Variants in SPTLC3 observed in about 807,000 individuals in gnomAD.
SPTLC3 encodes the protein serine palmitoyltransferase long chain base subunit 3.
Under a neutral mutation model 59.3 loss-of-function variants are expected in SPTLC3, and 36 were observed. That is an observed-to-expected ratio of 0.61 (90% confidence interval 0.47 to 0.80). SPTLC3 has a LOEUF of 0.80. Among genes scored for constraint, SPTLC3 ranks in the 30% least tolerant of loss-of-function variants. SPTLC3 has a pLI of 0.00. For synonymous variants in SPTLC3, 257 were observed against 240.8 expected (o/e 1.07, Z -0.62); for missense variants, 625 against 685.1 (o/e 0.91, Z 0.98).
At chr20:13,127,631 G>T (rs1053056548) in intron 9 of SPTLC3, among the ~76,000 whole-genome samples, 2 of 152,138 alleles carry the variant, frequency 1.3e-5, no homozygotes, top group Admixed American at 1.3e-4. Context: ...TAAGAACAAG[G>T]CTGATCTAGT....
chr20:13,103,818 T>C (rs1224528481), intron 6 of SPTLC3, among the ~76,000 whole-genome samples: 1 of 152,214 alleles, frequency 6.6e-6, no homozygotes, highest in Non-Finnish European at 1.5e-5. Flanking sequence ...CCCTGATGTA[T>C]GCAACAGTGT....
At position 13,022,781 on chromosome 20, in the gene SPTLC3, A is replaced by G. The variant is rs573223201; in HGVS notation, c.117+13397A>G. Among the ~76,000 whole-genome samples the G allele has an allele frequency of 2.0e-4, 31 of 152,266 alleles. 1 individual carries two copies. In the South Asian group the frequency reaches 3.1e-3, roughly 15 times the overall value. On this transcript the variant is annotated intron_variant, in intron 1 of 11. Coordinates refer to ENST00000399002, the MANE Select transcript of SPTLC3 (RefSeq NM_018327.4). The stretch of plus-strand genomic sequence containing the variant: ...CCACCCTCCCCTCCCCTCTGCCACA[A>G]TCCACTAGACTTTCTCTATACAGCA...
Position 13,087,133 on chromosome 20 carries a change from C to G in SPTLC3, c.608-3950C>G, listed in dbSNP as rs76348870. Among the ~76,000 whole-genome samples, 1,209 of 152,248 alleles carry G rather than the reference C, an allele frequency of 7.9e-3. 12 individuals carry two copies. Among genetic ancestry groups the G allele is most frequent in the African/African-American group, 0.027 (1,129 of 41,534 alleles). ...TTAAGCCAGGTCTAATGGAAAGGAT[C>G]TTGTAGGGAGCAATTTCTCAGACTG... is the stretch of plus-strand genomic sequence containing the variant. On this transcript the variant is annotated intron_variant, in intron 4 of 11. Coordinates refer to ENST00000399002, the MANE Select transcript of SPTLC3 (RefSeq NM_018327.4).
At chr20:13,161,284 G>C (rs1333934181) in intron 11 of SPTLC3, among the ~76,000 whole-genome samples, 2 of 152,126 alleles carry the variant, frequency 1.3e-5, no homozygotes, top group African/African-American at 4.8e-5. Flanking sequence ...ATTTTCAATG[G>C]GAGTGGGGGA....
chr20:13,151,903 A>G (rs529441288), intron 9 of SPTLC3, among the ~76,000 whole-genome samples: 2 of 152,102 alleles, frequency 1.3e-5, no homozygotes, highest in African/African-American at 2.4e-5. Context: ...GCGATATCCT[A>G]TGCTAGTGAT....
chr20:13,011,283 C>T (rs2122349856), intron 1 of SPTLC3, among the ~76,000 whole-genome samples: 1 of 152,216 alleles, frequency 6.6e-6, no homozygotes, highest in East Asian at 1.9e-4. Context: ...CAAACTAGGC[C>T]TAGACCAAAA....
intron 8 of SPTLC3, among the ~76,000 whole-genome samples, chr20:13,118,383 G>A (rs1294560280): frequency 6.9e-6 from 1 of 144,764 alleles, no homozygotes; most frequent in Non-Finnish European, 1.5e-5. Flanking sequence ...CTGATCTGCT[G>A]GGATTAGACT....
chr20:13,157,489 A>G (rs1254849993), intron 10 of SPTLC3, among the ~76,000 whole-genome samples: 1 of 152,166 alleles, frequency 6.6e-6, no homozygotes. Flanking sequence ...AGCAGAGCCC[A>G]GAATTCAAAG....
intron 4 of SPTLC3, among the ~76,000 whole-genome samples, chr20:13,082,660 T>C (rs1169777744): frequency 6.6e-6 from 1 of 152,166 alleles, no homozygotes; most frequent in Admixed American, 6.6e-5. Context: ...TAGATCTCTA[T>C]CAAAAGTTTG....
chr20:13,057,342 A>G (rs571944007), intron 2 of SPTLC3, among the ~76,000 whole-genome samples: 1 of 152,318 alleles, frequency 6.6e-6, no homozygotes, highest in South Asian at 2.1e-4. Context: ...TTAAAAGATC[A>G]TAAGTGAATG....
intron 1 of SPTLC3, among the ~76,000 whole-genome samples, chr20:13,036,544 G>A (rs6033585): frequency 0.14 from 21,336 of 152,040 alleles, 2,243 homozygotes; most frequent in African/African-American, 0.3. Context: ...CAAAATATGT[G>A]ATAATCTGCT....
intron 4 of SPTLC3, among the ~76,000 whole-genome samples, chr20:13,079,479 A>G (rs1988763762): frequency 6.6e-6 from 1 of 152,222 alleles, no homozygotes; most frequent in Non-Finnish European, 1.5e-5. Flanking sequence ...TGGAAAAAAC[A>G]AAAACCACCA....
intron 7 of SPTLC3, among the ~76,000 whole-genome samples, chr20:13,116,000 T>C (rs1224767271): frequency 6.6e-6 from 1 of 152,194 alleles, no homozygotes; most frequent in Non-Finnish European, 1.5e-5. Flanking sequence ...AAGAACATGT[T>C]GGAATTAACT....
chr20:13,030,983 AG>A (rs1036936447), intron 1 of SPTLC3, among the ~76,000 whole-genome samples: 3 of 152,244 alleles, frequency 2.0e-5, no homozygotes, highest in Non-Finnish European at 2.9e-5. Flanking sequence ...TTCCAGACCA[AG>A]GGTTGGCAGC....
At chr20:13,143,617 G>A (rs2038437436) in intron 9 of SPTLC3, among the ~76,000 whole-genome samples, 1 of 152,148 alleles carries the variant, frequency 6.6e-6, no homozygotes. Context: ...AGTCTGGGGG[G>A]CTTCCCCATC....
Position 13,168,254 on chromosome 20 carries a change from G to C in SPTLC3, c.*3387G>C, listed in dbSNP as rs1383514581. On this transcript the variant is annotated 3_prime_UTR_variant, in exon 12 of 12. Coordinates refer to ENST00000399002, the MANE Select transcript of SPTLC3 (RefSeq NM_018327.4). ...GCTATAGTGCAATGGCAAGATCTCG[G>C]CTCATTGCAACCTCCACCTCCCGGG... The C allele has an allele frequency of 2.0e-5, 3 of 150,976 alleles. No individual in the cohort carries two copies. The East Asian group carries it at 5.8e-4, about 29-fold the overall frequency. The allele number at this position is 150,976 out of a possible 1,614,324, so 9.4% of individuals were successfully genotyped here.
intron 11 of SPTLC3, chr20:13,164,526 T>C (rs2038958945): frequency 1.8e-6 from 1 of 568,640 alleles, no homozygotes; most frequent in Non-Finnish European, 3.2e-6. Context: ...AAAATAAACA[T>C]TCATAGTATG....
intron 1 of SPTLC3, among the ~76,000 whole-genome samples, chr20:13,035,583 C>T (rs1190821432): frequency 6.6e-6 from 1 of 152,062 alleles, no homozygotes; most frequent in Non-Finnish European, 1.5e-5. Flanking sequence ...AACGTATCAA[C>T]CAATAAACTG....
At chr20:13,033,094 T>G (rs190399050) in intron 1 of SPTLC3, among the ~76,000 whole-genome samples, 1 of 152,156 alleles carries the variant, frequency 6.6e-6, no homozygotes, top group Admixed American at 6.5e-5. Context: ...AGACCTTGAT[T>G]TGAATTTTGA....
Sources: allele counts gnomAD v4.1 joint callset (sites outside exome capture counted in the v4.1 genomes callset), GRCh38; gene constraint gnomAD v4.1.1; transcripts MANE v1.5; gene names NCBI Gene and HGNC (gene_info 2026-07-23, HGNC 2026-07-21).